The following RHBDF2 variants were observed in gnomAD, a reference collection of about 807,000 sequenced individuals.
The protein encoded by RHBDF2 is inactive rhomboid protein 2.
Under a neutral mutation model 95.2 loss-of-function variants are expected in RHBDF2, and 38 were observed. The ratio of observed to expected loss-of-function variants is 0.40; its 90% CI spans 0.31 to 0.52. The LOEUF is 0.52. RHBDF2 is among the 20% of genes least tolerant of loss of function. The pLI, the probability that RHBDF2 is intolerant of heterozygous loss-of-function variation, is 0.56. For missense variants in RHBDF2, 863 were observed against 1,137.7 expected (o/e 0.76, Z 3.47); for synonymous variants, 442 against 462.0 (o/e 0.96, Z 0.55).
At position 76,471,951 on chromosome 17, in the gene RHBDF2, G is replaced by T. The variant is rs150984603; in HGVS notation, c.2166C>A (p.Asn722Lys). The T allele has an allele frequency of 6.2e-5, 98 of 1,570,926 alleles. No individual in the cohort carries two copies. The African/African-American group carries it at 1.3e-3, about 20-fold the overall frequency. ...ACAGGAAGAGCACGATGGCCGAGAG[G>T]TTGAGGAAGGCCTTCCAGGGCCTCT... is the stretch of plus-strand genomic sequence containing the variant. The part of the protein sequence containing the change: ...LLERPWKAFL[N>K]LSAIVLFLFI... The change falls in exon 19 of 19, where the codon AAC becomes AAA. Residue 722 changes from asparagine (N) to lysine (K), a missense_variant. Coordinates refer to ENST00000675367, the MANE Select transcript of RHBDF2 (RefSeq NM_001005498.4).
chr17:76,473,908 G>C lies in RHBDF2; in HGVS notation c.1575-6C>G. On this transcript the variant is annotated splice_region_variant and splice_polypyrimidine_tract_variant and intron_variant, in intron 13 of 18. Coordinates refer to ENST00000675367, the MANE Select transcript of RHBDF2 (RefSeq NM_001005498.4). ...AGGCTGGCTCCTCGCAGGTCCTGGA[G>C]ACAGGGTTCAGATTGGGCTGTGGCA... The C allele has an allele frequency of 6.2e-7, 1 of 1,613,882 alleles. No homozygotes were observed. Among genetic ancestry groups the C allele is most frequent in the Non-Finnish European group, 8.5e-7 (1 of 1,179,934 alleles).
At chr17:76,483,036 C>T (rs2074018342) in intron 2 of RHBDF2, among the ~76,000 whole-genome samples, 1 of 151,808 alleles carries the variant, frequency 6.6e-6, no homozygotes. Context: ...AGGCATAGTG[C>T]CTCATTCCTG....
At chr17:76,475,240 G>T in intron 9 of RHBDF2, 99 bp from the exon 10 acceptor site, 1 of 809,240 alleles carries the variant, frequency 1.2e-6, no homozygotes, top group Non-Finnish European at 2.1e-6. Context: ...GCTCGCCTGG[G>T]CTCCCTGTTC....
intron 2 of RHBDF2, chr17:76,482,018 C>A (rs2073988464): frequency 6.8e-6 from 1 of 147,408 alleles, no homozygotes; most frequent in Non-Finnish European, 1.5e-5. Flanking sequence ...CAAAAACAAA[C>A]CATCCCTGGG....
chr17:76,492,202 C>T (rs536677418), intron 1 of RHBDF2, among the ~76,000 whole-genome samples: 21 of 152,260 alleles, frequency 1.4e-4, no homozygotes, highest in African/African-American at 4.1e-4. Context: ...TAGGGTGGGG[C>T]GGGGGAAATC....
In RHBDF2 at chr17:76,478,790, G is replaced by A; in HGVS notation, c.672+16C>T. ...GCCGGGCAGAGGTGGGGGCCCTGCA[G>A]GAGGGAGCCCCGCACCTTGAGGAGG... On this transcript the variant is annotated intron_variant, in intron 6 of 18. Coordinates refer to ENST00000675367, the MANE Select transcript of RHBDF2 (RefSeq NM_001005498.4). The A allele has an allele frequency of 6.2e-7, 1 of 1,603,216 alleles. No homozygotes were observed. The highest frequency in any genetic ancestry group is 8.5e-7 in the Non-Finnish European group (1 of 1,173,918).
Position 76,471,159 on chromosome 17 carries a change from C to G in RHBDF2, c.*474G>C, listed in dbSNP as rs1469634644. On this transcript the variant is annotated 3_prime_UTR_variant, in exon 19 of 19. Transcript: ENST00000675367. ...TCTGAGAGCCTTATGGATGGGCTCA[C>G]AGGGCAGAGGTAGGAGGAGAAAGAG... is the stretch of plus-strand genomic sequence containing the variant. 6.0e-6 allele frequency: 1 copy of G among 165,524 alleles called. No individual in the cohort carries two copies. The highest frequency in any genetic ancestry group is 5.5e-5 in the Admixed American group (1 of 18,190). The allele number at this position is 165,524 out of a possible 1,614,324, so 10.3% of individuals were successfully genotyped here.
At chr17:76,479,423 C>A in intron 4 of RHBDF2, 146 bp from the exon 5 acceptor site, 1 of 1,188,052 alleles carries the variant, frequency 8.4e-7, no homozygotes, top group Non-Finnish European at 1.2e-6. Context: ...TGGCTGGAGC[C>A]CAGTGACCAG....
intron 1 of RHBDF2, among the ~76,000 whole-genome samples, chr17:76,498,819 TGTGTGA>T (rs2074499835): frequency 6.9e-6 from 1 of 145,632 alleles, no homozygotes; most frequent in South Asian, 2.3e-4. Flanking sequence ...TGTGTGTGTG[TGTGTGA>T]GTCTGTGTGT....
intron 2 of RHBDF2, among the ~76,000 whole-genome samples, chr17:76,483,061 C>T (rs1226156772): frequency 4.0e-5 from 6 of 151,726 alleles, no homozygotes; most frequent in East Asian, 1.9e-4. Context: ...TCCAGCTACT[C>T]GGGAGGCTGA....
chr17:76,479,822 G>T lies in RHBDF2; in HGVS notation c.183C>A (p.Ser61Arg). 1 of 1,613,136 alleles carries T rather than the reference G, an allele frequency of 6.2e-7. No homozygotes were observed. Among genetic ancestry groups the T allele is most frequent in the Non-Finnish European group, 8.5e-7 (1 of 1,179,788 alleles). ...GCCATCGGCTGCGTGGCTCCTGGAG[G>T]CTGACGCTCTTCAAGTAGGCTGGGT... ...RKNPAYLKSV[S>R]LQEPRSRWQE... Residue 61 changes from serine to arginine, a missense_variant, in exon 4 of 19, where the codon AGC (serine) becomes AGA (arginine). Physicochemically the swap from Ser to Arg is moderately radical, Grantham distance 110. Transcript: ENST00000675367.
intron 18 of RHBDF2, chr17:76,472,255 T>C (rs1034946657): frequency 1.6e-6 from 1 of 611,528 alleles, no homozygotes; most frequent in South Asian, 2.0e-5. Flanking sequence ...GAGCGCCTAC[T>C]GTGTACGTGC....
intron 2 of RHBDF2, among the ~76,000 whole-genome samples, chr17:76,484,011 C>T (rs1434678704): frequency 1.3e-5 from 2 of 152,176 alleles, no homozygotes; most frequent in African/African-American, 4.8e-5. Flanking sequence ...CCTGTACTCC[C>T]AGCACTTTGG....
chr17:76,497,676 G>C (rs548357626), intron 1 of RHBDF2, among the ~76,000 whole-genome samples: 1 of 151,950 alleles, frequency 6.6e-6, no homozygotes, highest in Non-Finnish European at 1.5e-5. Flanking sequence ...CCTTTACCAC[G>C]GGAGTCCTCA....
At chr17:76,496,658 C>T (rs1212660709) in intron 1 of RHBDF2, among the ~76,000 whole-genome samples, 1 of 152,224 alleles carries the variant, frequency 6.6e-6, no homozygotes, top group African/African-American at 2.4e-5. Context: ...TCATCATCCT[C>T]ACGGGCTGGC....
At chr17:76,493,132 G>C (rs2074347302) in intron 1 of RHBDF2, 1 of 152,436 alleles carries the variant, frequency 6.6e-6, no homozygotes, top group South Asian at 2.1e-4. Flanking sequence ...CGTCTTCGCG[G>C]CTGAATCACA....
chr17:76,477,478 T>C (rs2073811524), intron 7 of RHBDF2, among the ~76,000 whole-genome samples, 179 bp downstream of exon 7: 1 of 148,840 alleles, frequency 6.7e-6, no homozygotes, highest in Non-Finnish European at 1.5e-5. Flanking sequence ...CCACCGCAGG[T>C]CTTCACCCTA....
rs747276796 is a variant in RHBDF2, at chr17:76,477,688, G to T, written c.770C>A (p.Ala257Glu). ...AAAAAAGGAGGAGTCAAACGTGTCT[G>T]CCCCATCGACCACATCCTCCTCCAG... is the stretch of plus-strand genomic sequence containing the variant. Reference protein sequence around the residue: ...SFLEEDVVDGADTFDSSFFSK... With the variant: ...SFLEEDVVDGEDTFDSSFFSK... The change falls in exon 7 of 19, where the codon GCA becomes GAA. Residue 257 changes from alanine to glutamate, a missense_variant. Ala to Glu is a moderately radical substitution (Grantham distance 107). Transcript: ENST00000675367. The T allele has an allele frequency of 8.1e-6, 13 of 1,613,970 alleles. No individual in the cohort carries two copies. In the South Asian group the frequency reaches 1.3e-4, roughly 16 times the overall value.
intron 2 of RHBDF2, among the ~76,000 whole-genome samples, chr17:76,484,762 C>T (rs1272958609): frequency 2.6e-5 from 4 of 152,192 alleles, no homozygotes; most frequent in Non-Finnish European, 4.4e-5. Context: ...TTACCCCTGA[C>T]CCAGCTTTCC....
Sources: gnomAD v4.1 joint callset for allele counts (sites outside exome capture counted in the v4.1 genomes callset) on GRCh38, gnomAD v4.1.1 for gene constraint, MANE v1.5 for transcripts, NCBI Gene and HGNC (gene_info 2026-07-23, HGNC 2026-07-21) for gene names.